Variants in SLC35F1 observed in about 807,000 individuals in gnomAD.
The protein encoded by SLC35F1 is solute carrier family 35 member F1.
SLC35F1 carries 14 observed loss-of-function variants against 48.7 expected under a neutral mutation model. The observed-to-expected ratio is 0.29, with a 90% CI of 0.19 to 0.45. The LOEUF is 0.45. Among genes scored for constraint, SLC35F1 ranks in the 20% least tolerant of loss-of-function variants. The pLI is 1.00. For synonymous variants in SLC35F1, 190 were observed against 202.2 expected (o/e 0.94, Z 0.51); for missense variants, 404 against 500.0 (o/e 0.81, Z 1.83).
chr6:118,042,244 C>T (rs1468551506), intron 1 of SLC35F1, among the ~76,000 whole-genome samples: 1 of 152,164 alleles, frequency 6.6e-6, no homozygotes, highest in Admixed American at 6.6e-5. Flanking sequence ...AAGACACTGT[C>T]CTAGCCTTTG....
intron 1 of SLC35F1, among the ~76,000 whole-genome samples, chr6:118,096,437 G>T (rs1047793079): frequency 2.6e-5 from 4 of 152,110 alleles, no homozygotes; most frequent in South Asian, 2.1e-4. Context: ...AATCTTTGTT[G>T]GGAACAGAAA....
intron 2 of SLC35F1, among the ~76,000 whole-genome samples, chr6:118,206,377 C>T (rs1314714372): frequency 1.3e-5 from 2 of 152,098 alleles, no homozygotes; most frequent in South Asian, 2.1e-4. Flanking sequence ...TGGGGTTATA[C>T]CCATTCCTTC....
At chr6:118,235,336 T>C (rs1477333566) in intron 2 of SLC35F1, among the ~76,000 whole-genome samples, 173 bp from the exon 3 acceptor site, 1 of 152,158 alleles carries the variant, frequency 6.6e-6, no homozygotes, top group Non-Finnish European at 1.5e-5. Flanking sequence ...GCAATAAAGT[T>C]AATTTGCTAA....
At chr6:118,101,360 G>C (rs1773255959) in intron 1 of SLC35F1, among the ~76,000 whole-genome samples, 1 of 152,208 alleles carries the variant, frequency 6.6e-6, no homozygotes, top group African/African-American at 2.4e-5. Flanking sequence ...AGGATCTGCT[G>C]TGTGAATTGA....
chr6:118,045,377 G>T (rs1327009921), intron 1 of SLC35F1, among the ~76,000 whole-genome samples: 1 of 152,166 alleles, frequency 6.6e-6, no homozygotes, highest in East Asian at 1.9e-4. Context: ...CTAGATATAT[G>T]CTGTTTATGG....
intron 2 of SLC35F1, among the ~76,000 whole-genome samples, chr6:118,220,545 G>A (rs945629127): frequency 6.6e-6 from 1 of 152,168 alleles, no homozygotes; most frequent in African/African-American, 2.4e-5. Context: ...TAAATCAGTT[G>A]GCAAAATGTA....
At chr6:117,919,814 G>A (rs1200693920) in intron 1 of SLC35F1, among the ~76,000 whole-genome samples, 1 of 152,198 alleles carries the variant, frequency 6.6e-6, no homozygotes, top group Admixed American at 6.5e-5. Flanking sequence ...TTCAGCACTA[G>A]CATATGTTCT....
At position 117,983,300 on chromosome 6, in the gene SLC35F1, C is replaced by T. The variant is rs187825765; in HGVS notation, c.173+75401C>T. Among the ~76,000 whole-genome samples the T allele has an allele frequency of 4.2e-4, 64 of 152,164 alleles. No homozygotes were observed. The East Asian group carries it at 0.011, about 27-fold the overall frequency. On this transcript the variant is annotated intron_variant, in intron 1 of 7. Coordinates refer to ENST00000360388, the MANE Select transcript of SLC35F1 (RefSeq NM_001029858.4). ...TGTACACAGTCTTTTGTGGAGGAAG[C>T]ATTTGGTGGCTCCCGCCTATAATCC...
intron 1 of SLC35F1, among the ~76,000 whole-genome samples, chr6:118,128,727 G>A (rs1773666340): frequency 6.6e-6 from 1 of 150,764 alleles, no homozygotes; most frequent in African/African-American, 2.4e-5. Context: ...CGACTTAATG[G>A]GTGCAGCACA....
intron 1 of SLC35F1, among the ~76,000 whole-genome samples, chr6:117,961,227 G>A (rs559262483): frequency 1.7e-4 from 26 of 152,218 alleles, no homozygotes; most frequent in Middle Eastern, 3.4e-3. Context: ...CAGCTGAATC[G>A]CCATGAATGG....
At chr6:118,294,552 G>A (rs1273406980) in intron 7 of SLC35F1, among the ~76,000 whole-genome samples, 1 of 152,140 alleles carries the variant, frequency 6.6e-6, no homozygotes, top group Non-Finnish European at 1.5e-5. Flanking sequence ...CAAAATTGTT[G>A]TAATAAAGTT....
At chr6:118,238,493 A>G (rs75252292) in intron 3 of SLC35F1, among the ~76,000 whole-genome samples, 7 of 151,654 alleles carry the variant, frequency 4.6e-5, no homozygotes, top group Non-Finnish European at 8.8e-5. Context: ...TGGAACATCT[A>G]GTAAAAGGAT....
intron 1 of SLC35F1, among the ~76,000 whole-genome samples, chr6:118,105,275 G>T (rs115751190): frequency 6.6e-6 from 1 of 152,036 alleles, no homozygotes; most frequent in Non-Finnish European, 1.5e-5. Flanking sequence ...GCCTCATCTC[G>T]ATCTTAAGTA....
rs147026586 is a variant in SLC35F1 at position 117,995,665 on chromosome 6, C to T, written c.173+87766C>T. 2.7e-3 allele frequency among the ~76,000 whole-genome samples: 406 copies of T among 152,008 alleles called. 2 individuals are homozygous for T. The highest frequency in any genetic ancestry group is 9.5e-3 in the African/African-American group (393 of 41,450). ...CTGAGGCAGGAGAATTGCTTGAACCCGGGAGCTGGAAGTTGCAGTGAGCCT... is the reference window on the plus strand; with the variant it reads ...CTGAGGCAGGAGAATTGCTTGAACCTGGGAGCTGGAAGTTGCAGTGAGCCT... On this transcript the variant is annotated intron_variant, in intron 1 of 7. Coordinates refer to ENST00000360388, the MANE Select transcript of SLC35F1 (RefSeq NM_001029858.4).
intron 2 of SLC35F1, among the ~76,000 whole-genome samples, chr6:118,227,898 T>C (rs1193203436): frequency 6.6e-6 from 1 of 152,182 alleles, no homozygotes; most frequent in Non-Finnish European, 1.5e-5. Context: ...ACAAAGTTTC[T>C]TCTCTTGTCT....
At chr6:118,302,089 T>C (rs1055688052) in intron 7 of SLC35F1, among the ~76,000 whole-genome samples, 2 of 152,206 alleles carry the variant, frequency 1.3e-5, no homozygotes, top group African/African-American at 4.8e-5. Flanking sequence ...GAGTTCTTGG[T>C]GGCATCTAAC....
intron 6 of SLC35F1, among the ~76,000 whole-genome samples, chr6:118,283,068 T>C (rs1056158916): frequency 2.0e-5 from 3 of 152,224 alleles, no homozygotes; most frequent in South Asian, 2.1e-4. Flanking sequence ...TTCTGAGACC[T>C]GCAAGGTCTG....
At chr6:118,241,197 C>T (rs538397346) in intron 3 of SLC35F1, among the ~76,000 whole-genome samples, 66 of 152,104 alleles carry the variant, frequency 4.3e-4, no homozygotes, top group African/African-American at 1.5e-3. Context: ...AGGATGTGAC[C>T]CAAGCACATT....
intron 2 of SLC35F1, among the ~76,000 whole-genome samples, chr6:118,227,809 G>T (rs1775238168): frequency 6.6e-6 from 1 of 152,192 alleles, no homozygotes; most frequent in Non-Finnish European, 1.5e-5. Flanking sequence ...CATGTGGGAG[G>T]TAACATTTAG....
Sources: gnomAD v4.1 joint callset for allele counts (sites outside exome capture counted in the v4.1 genomes callset) on GRCh38, gnomAD v4.1.1 for gene constraint, MANE v1.5 for transcripts, NCBI Gene and HGNC (gene_info 2026-07-23, HGNC 2026-07-21) for gene names.